PAPPA2: variants seen among roughly 807,000 people sequenced by gnomAD.
PAPPA2 encodes pappalysin 2.
In PAPPA2, 86 loss-of-function variants were observed where a neutral mutation model predicts 176.4. That is an observed-to-expected ratio of 0.49 (90% CI 0.41 to 0.58). The LOEUF is 0.58. Ranked by LOEUF, PAPPA2 falls within the 20% of genes least tolerant of loss-of-function variation. The pLI, the probability that PAPPA2 is intolerant of heterozygous loss-of-function variation, is 0.00. For missense variants in PAPPA2, 2,073 were observed against 2,256.9 expected, an observed-to-expected ratio of 0.92 and a Z score of 1.65; for synonymous variants, 809 against 852.2, an observed-to-expected ratio of 0.95 and a Z score of 0.88.
At chr1:176,835,633 C>T (rs1269395437) in intron 21 of PAPPA2, among the ~76,000 whole-genome samples, 1 of 152,198 alleles carries the variant, frequency 6.6e-6, no homozygotes, top group African/African-American at 2.4e-5. Context: ...GATTCTCCTG[C>T]CTCAGCCTCC....
intron 1 of PAPPA2, among the ~76,000 whole-genome samples, chr1:176,536,801 C>T (rs1004129618): frequency 1.3e-5 from 2 of 152,152 alleles, no homozygotes; most frequent in South Asian, 4.1e-4. Flanking sequence ...TAGCAAAGTC[C>T]AATCCAGGAA....
At chr1:176,582,060 A>G (rs1427655324) in intron 2 of PAPPA2, among the ~76,000 whole-genome samples, 1 of 150,900 alleles carries the variant, frequency 6.6e-6, no homozygotes, top group East Asian at 1.9e-4. Context: ...AGTAGCTGGG[A>G]CTACAGGTGC....
chr1:176,732,133 C>T (rs550571868), intron 12 of PAPPA2, among the ~76,000 whole-genome samples: 1 of 152,286 alleles, frequency 6.6e-6, no homozygotes, highest in South Asian at 2.1e-4. Flanking sequence ...GTACAGATGG[C>T]ACCAAGTCCA....
intron 12 of PAPPA2, among the ~76,000 whole-genome samples, chr1:176,729,907 T>G (rs1662053330): frequency 6.6e-6 from 1 of 152,038 alleles, no homozygotes; most frequent in South Asian, 2.1e-4. Flanking sequence ...TATTAATTGA[T>G]ATGAACTTGT....
At chr1:176,625,890 G>T (rs1655978929) in intron 3 of PAPPA2, among the ~76,000 whole-genome samples, 1 of 151,984 alleles carries the variant, frequency 6.6e-6, no homozygotes, top group Admixed American at 6.6e-5. Context: ...AGATGTAGTG[G>T]TGTGCACCTG....
At chr1:176,531,540 C>T (rs954065790) in intron 1 of PAPPA2, among the ~76,000 whole-genome samples, 4 of 152,092 alleles carry the variant, frequency 2.6e-5, no homozygotes, top group Non-Finnish European at 5.9e-5. Flanking sequence ...CAAGTTTTCC[C>T]ATAGTGTCTA....
intron 1 of PAPPA2, among the ~76,000 whole-genome samples, chr1:176,545,640 A>T (rs1050028676): frequency 6.6e-6 from 1 of 152,192 alleles, no homozygotes; most frequent in Admixed American, 6.5e-5. Context: ...ATCATTTTAT[A>T]TAAGGGACTT....
At chr1:176,543,151 C>A (rs187675066) in intron 1 of PAPPA2, among the ~76,000 whole-genome samples, 1 of 152,142 alleles carries the variant, frequency 6.6e-6, no homozygotes, top group South Asian at 2.1e-4. Flanking sequence ...TCTTCACGTT[C>A]CCCGTCGTCT....
At chr1:176,815,459 TTTG>T (rs367981901) in intron 21 of PAPPA2, among the ~76,000 whole-genome samples, 250 of 152,230 alleles carry the variant, frequency 1.6e-3, no homozygotes, top group African/African-American at 5.6e-3. Flanking sequence ...TCACTTCATT[TTTG>T]TTGTTGTTTT....
intron 12 of PAPPA2, among the ~76,000 whole-genome samples, chr1:176,718,444 G>A (rs1276969174): frequency 6.6e-6 from 1 of 151,650 alleles, no homozygotes; most frequent in Non-Finnish European, 1.5e-5. Flanking sequence ...GCATTAACTT[G>A]TTCTTTTTCT....
intron 21 of PAPPA2, among the ~76,000 whole-genome samples, chr1:176,806,137 G>A (rs893426581): frequency 6.6e-6 from 1 of 151,942 alleles, no homozygotes; most frequent in African/African-American, 2.4e-5. Flanking sequence ...TTAAAGTTTG[G>A]GAGGAAATTT....
At chr1:176,507,968 C>T (rs1280257523) in intron 1 of PAPPA2, among the ~76,000 whole-genome samples, 3 of 151,838 alleles carry the variant, frequency 2.0e-5, no homozygotes, top group Non-Finnish European at 2.9e-5. Flanking sequence ...AAGTAAAAAT[C>T]GGAAGAAAAA....
At chr1:176,641,458 A>G (rs915978113) in intron 3 of PAPPA2, among the ~76,000 whole-genome samples, 3 of 151,156 alleles carry the variant, frequency 2.0e-5, no homozygotes, top group Non-Finnish European at 3.0e-5. Flanking sequence ...TCCTTTCCCC[A>G]TTGCTTGTTT....
chr1:176,556,453 T>C lies in PAPPA2; in HGVS notation c.131T>C (p.Leu44Pro), dbSNP rs760776246. 1 of 1,614,228 alleles carries C rather than the reference T, an allele frequency of 6.2e-7. No individual in the cohort carries two copies. The highest frequency in any genetic ancestry group is 1.1e-5 in the South Asian group (1 of 91,082). The stretch of plus-strand genomic sequence containing the variant: ...GAGAGGGAACACCTGAATCAGGTGC[T>C]GTTGGAAGGAGAACGTTGTTGGCTG... ...LVEREHLNQV[L>P]LEGERCWLGA... The change falls in exon 2 of 23, where the codon CTG (leucine) becomes CCG (proline). Residue 44 changes from leucine (L) to proline (P), a missense_variant. Physicochemically the swap from Leu to Pro is moderately conservative, Grantham distance 98. Coordinates refer to ENST00000367662, the MANE Select transcript of PAPPA2 (RefSeq NM_020318.3).
At chr1:176,838,133 GTGGGGCC>G (rs1667346521) in intron 21 of PAPPA2, among the ~76,000 whole-genome samples, 1 of 152,200 alleles carries the variant, frequency 6.6e-6, no homozygotes, top group Non-Finnish European at 1.5e-5. Context: ...AGGAAGTCCA[GTGGGGCC>G]TGGAGGTCAC....
intron 3 of PAPPA2, among the ~76,000 whole-genome samples, chr1:176,654,607 C>A (rs914398408): frequency 6.7e-6 from 1 of 149,318 alleles, no homozygotes; most frequent in Admixed American, 6.7e-5. Flanking sequence ...TTTTCTAATT[C>A]TTTGAAAAAA....
intron 1 of PAPPA2, among the ~76,000 whole-genome samples, chr1:176,546,102 T>G (rs1650620435): frequency 6.6e-6 from 1 of 152,216 alleles, no homozygotes; most frequent in Non-Finnish European, 1.5e-5. Context: ...TAGAGTAACA[T>G]GCACACTTTA....
chr1:176,484,923 C>T (rs931095838), intron 1 of PAPPA2, among the ~76,000 whole-genome samples: 7 of 152,204 alleles, frequency 4.6e-5, no homozygotes, highest in South Asian at 4.1e-4. Flanking sequence ...GCACCAGTTT[C>T]TATGGCGGTT....
At chr1:176,825,756 G>A (rs1263956349) in intron 21 of PAPPA2, among the ~76,000 whole-genome samples, 8 of 152,228 alleles carry the variant, frequency 5.3e-5, no homozygotes, top group Admixed American at 5.2e-4. Context: ...TATCCCCATA[G>A]TTGAGCAAGG....
Sources: gnomAD v4.1 joint callset for allele counts (sites outside exome capture counted in the v4.1 genomes callset) on GRCh38, gnomAD v4.1.1 for gene constraint, MANE v1.5 for transcripts, NCBI Gene and HGNC (gene_info 2026-07-23, HGNC 2026-07-21) for gene names.